The following ESR1 variants were observed in gnomAD, a reference collection of about 807,000 sequenced individuals.
ESR1 encodes estrogen receptor 1.
ESR1 carries 12 observed loss-of-function variants against 52.7 expected under a neutral mutation model. The observed-to-expected ratio is 0.23, with a 90% CI of 0.15 to 0.37. The LOEUF is 0.37. ESR1 is among the 10% of genes least tolerant of loss of function. The pLI is 1.00. For synonymous variants in ESR1, 305 were observed against 316.8 expected (o/e 0.96, Z 0.39); for missense variants, 584 against 779.7 (o/e 0.75, Z 2.99).
chr6:151,992,627 G>C (rs139949762), intron 4 of ESR1, among the ~76,000 whole-genome samples: 324 of 152,210 alleles, frequency 2.1e-3, no homozygotes, highest in African/African-American at 7.5e-3. Flanking sequence ...CTGTAGCTTG[G>C]AATTTGGAAG....
chr6:151,794,862 A>G (rs1248274172), intron 2 of ESR1, among the ~76,000 whole-genome samples: 1 of 152,210 alleles, frequency 6.6e-6, no homozygotes, highest in Non-Finnish European at 1.5e-5. Flanking sequence ...GTGTCAAGCA[A>G]ACTGTCATTT....
intron 2 of ESR1, among the ~76,000 whole-genome samples, chr6:151,777,118 C>CT (rs745685480): frequency 0.032 from 4,630 of 142,718 alleles, 235 homozygotes; most frequent in African/African-American, 0.099. Flanking sequence ...CTTTTCTTTT[C>CT]TTTTCTTTTT....
At chr6:151,794,259 A>G (rs1023100728) in intron 2 of ESR1, among the ~76,000 whole-genome samples, 4 of 152,232 alleles carry the variant, frequency 2.6e-5, no homozygotes, top group African/African-American at 9.6e-5. Context: ...TTGGAGTCCA[A>G]ATGGGTTTCC....
chr6:151,936,090 G>A (rs910852162), intron 3 of ESR1: 4 of 152,126 alleles, frequency 2.6e-5, no homozygotes, highest in Non-Finnish European at 4.4e-5. Context: ...TGAGGTCATC[G>A]GGACTGTGCT....
intron 3 of ESR1, among the ~76,000 whole-genome samples, chr6:151,941,912 G>C (rs570809763): frequency 4.6e-5 from 7 of 152,182 alleles, no homozygotes; most frequent in Non-Finnish European, 8.8e-5. Flanking sequence ...GAGATGCTCA[G>C]GTTTCCTCCA....
intron 2 of ESR1, among the ~76,000 whole-genome samples, chr6:151,859,334 C>T (rs150374539): frequency 7.2e-4 from 109 of 152,158 alleles, no homozygotes; most frequent in African/African-American, 2.3e-3. Context: ...AAAATAGTTA[C>T]GATTTATCTG....
chr6:151,694,985 G>A (rs1453833514), intron 1 of ESR1, among the ~76,000 whole-genome samples: 1 of 152,084 alleles, frequency 6.6e-6, no homozygotes, highest in Non-Finnish European at 1.5e-5. Flanking sequence ...GGGAGTCTCC[G>A]CCTCCCAGCC....
chr6:151,754,152 C>T (rs1266874694), intron 2 of ESR1, among the ~76,000 whole-genome samples: 1 of 152,050 alleles, frequency 6.6e-6, no homozygotes, highest in African/African-American at 2.4e-5. Context: ...TTTTGAATTC[C>T]AGTTATAATT....
At chr6:151,981,735 A>G (rs1411843115) in intron 4 of ESR1, among the ~76,000 whole-genome samples, 2 of 152,228 alleles carry the variant, frequency 1.3e-5, no homozygotes, top group African/African-American at 2.4e-5. Context: ...AATCTGAACT[A>G]TATTGAACTT....
intron 3 of ESR1, among the ~76,000 whole-genome samples, chr6:151,916,584 G>T (rs192365733): frequency 6.6e-6 from 1 of 152,082 alleles, no homozygotes; most frequent in Non-Finnish European, 1.5e-5. Flanking sequence ...ATTTTCTTTC[G>T]ATGACCTCTC....
chr6:151,897,639 A>C (rs1795751177), intron 3 of ESR1, among the ~76,000 whole-genome samples: 1 of 152,172 alleles, frequency 6.6e-6, no homozygotes, highest in South Asian at 2.1e-4. Flanking sequence ...TCCATTCTGC[A>C]ATTCTGTATC....
intron 1 of ESR1, among the ~76,000 whole-genome samples, chr6:151,684,696 C>T (rs186950725): frequency 1.3e-5 from 2 of 152,336 alleles, no homozygotes; most frequent in East Asian, 3.9e-4. Flanking sequence ...TTTATCTCTG[C>T]TTTCTATCAA....
chr6:151,997,033 G>A (rs2041548942), intron 4 of ESR1, among the ~76,000 whole-genome samples: 1 of 151,650 alleles, frequency 6.6e-6, no homozygotes, highest in Non-Finnish European at 1.5e-5. Flanking sequence ...CAAAAAGCAG[G>A]TACTGTCCCT....
downstream of ESR1, among the ~76,000 whole-genome samples, chr6:152,107,982 C>T (rs1012611257): frequency 5.3e-5 from 8 of 152,150 alleles, no homozygotes; most frequent in Admixed American, 3.3e-4. Context: ...TGTCCTCCAC[C>T]GATGGATCTG....
intron 4 of ESR1, among the ~76,000 whole-genome samples, chr6:151,948,112 A>T (rs1041256004): frequency 1.2e-4 from 18 of 152,212 alleles, no homozygotes; most frequent in African/African-American, 4.3e-4. Flanking sequence ...AGGAAAAAAT[A>T]TGACTGCAAG....
intron 2 of ESR1, among the ~76,000 whole-genome samples, chr6:151,786,472 C>T (rs1332929501): frequency 6.6e-6 from 1 of 152,150 alleles, no homozygotes; most frequent in African/African-American, 2.4e-5. Context: ...TGGACTTAAT[C>T]TAGAGAGTCA....
intron 4 of ESR1, among the ~76,000 whole-genome samples, chr6:152,006,897 A>G (rs914684157): frequency 2.0e-5 from 3 of 151,956 alleles, no homozygotes; most frequent in Non-Finnish European, 2.9e-5. Flanking sequence ...TGTAAATAGC[A>G]CTCCTCAGGG....
At chr6:152,077,044 G>C (rs1485949824) in intron 6 of ESR1, among the ~76,000 whole-genome samples, 1 of 152,166 alleles carries the variant, frequency 6.6e-6, no homozygotes, top group Non-Finnish European at 1.5e-5. Flanking sequence ...TGTCTCCAGA[G>C]CATGTCATAG....
At chr6:151,959,612 G>C (rs1011271730) in intron 4 of ESR1, among the ~76,000 whole-genome samples, 2 of 152,136 alleles carry the variant, frequency 1.3e-5, no homozygotes, top group African/African-American at 4.8e-5. Context: ...CAGCCAAGCT[G>C]GGGGTCTTTC....
Sources: gnomAD v4.1 joint callset for allele counts (sites outside exome capture counted in the v4.1 genomes callset) on GRCh38, gnomAD v4.1.1 for gene constraint, MANE v1.5 for transcripts, NCBI Gene and HGNC (gene_info 2026-07-23, HGNC 2026-07-21) for gene names.